The following CTNNA3 variants were observed in gnomAD, a reference collection of about 807,000 sequenced individuals.
CTNNA3 encodes catenin alpha 3.
In CTNNA3, 76 loss-of-function variants were observed where a neutral mutation model predicts 95.7. That is an observed-to-expected ratio of 0.79 (90% confidence interval 0.66 to 0.96). The LOEUF (loss-of-function observed/expected upper bound fraction) is 0.96. Among genes scored for constraint, CTNNA3 ranks in the 40% least tolerant of loss-of-function variants. CTNNA3 has a pLI of 0.00. For missense variants in CTNNA3, 1,191 were observed against 1,089.8 expected (o/e 1.09, Z -1.31); for synonymous variants, 431 against 374.4 (o/e 1.15, Z -1.74).
intron 13 of CTNNA3, among the ~76,000 whole-genome samples, chr10:66,193,437 G>T (rs2086787326): frequency 6.6e-6 from 1 of 152,084 alleles, no homozygotes; most frequent in Middle Eastern, 3.2e-3. Flanking sequence ...ATTATGCATT[G>T]GATTTAGCAA....
At chr10:67,372,238 C>A (rs1843496269) in intron 5 of CTNNA3, among the ~76,000 whole-genome samples, 1 of 152,252 alleles carries the variant, frequency 6.6e-6, no homozygotes, top group South Asian at 2.1e-4. Flanking sequence ...TTAATTAGAT[C>A]CCATTTGTCA....
intron 5 of CTNNA3, among the ~76,000 whole-genome samples, chr10:67,308,899 T>C (rs1840668504): frequency 6.6e-6 from 1 of 152,160 alleles, no homozygotes; most frequent in African/African-American, 2.4e-5. Flanking sequence ...AAAACTTTTT[T>C]TTTCCTATTA....
chr10:66,596,063 C>T (rs187374198), intron 10 of CTNNA3, among the ~76,000 whole-genome samples: 3 of 152,160 alleles, frequency 2.0e-5, no homozygotes, highest in African/African-American at 7.2e-5. Context: ...GTGGGAGCAG[C>T]TTCCTTCCTT....
At chr10:67,116,020 GT>G (rs917230007) in intron 7 of CTNNA3, among the ~76,000 whole-genome samples, 3 of 151,454 alleles carry the variant, frequency 2.0e-5, no homozygotes, top group Non-Finnish European at 2.9e-5. Flanking sequence ...TTCTTTCTTT[GT>G]TTTTTTCTTT....
intron 1 of CTNNA3, among the ~76,000 whole-genome samples, chr10:67,759,254 T>C (rs1841449973): frequency 6.6e-6 from 1 of 152,212 alleles, no homozygotes; most frequent in South Asian, 2.1e-4. Flanking sequence ...TTTGTCCAAT[T>C]TGTACTAAGT....
At chr10:67,713,701 C>T (rs147195705) in intron 1 of CTNNA3, among the ~76,000 whole-genome samples, 4,173 of 152,162 alleles carry the variant, frequency 0.027, 84 homozygotes, top group Middle Eastern at 0.041. Context: ...AACCAAATAC[C>T]GCATGTTCTC....
intron 1 of CTNNA3, among the ~76,000 whole-genome samples, chr10:67,737,632 C>T (rs1300840768): frequency 6.6e-6 from 1 of 152,154 alleles, no homozygotes; most frequent in African/African-American, 2.4e-5. Context: ...GACATTTATG[C>T]AGCCAAAAGA....
intron 5 of CTNNA3, among the ~76,000 whole-genome samples, chr10:67,476,503 T>A (rs4403694): frequency 0.12 from 18,051 of 150,330 alleles, 2,266 homozygotes; most frequent in African/African-American, 0.32. Flanking sequence ...CCACCCTTCC[T>A]GCACAAAGAT....
chr10:67,676,447 G>C (rs879503513), intron 1 of CTNNA3, among the ~76,000 whole-genome samples: 2 of 152,022 alleles, frequency 1.3e-5, no homozygotes, highest in Admixed American at 1.3e-4. Context: ...CAATAGTTTT[G>C]GGTAAAAATG....
In CTNNA3 at chr10:67,580,040, C is replaced by T. The variant is rs578089755; in HGVS notation, c.292+26817G>A. 1.9e-4 allele frequency among the ~76,000 whole-genome samples: 29 copies of T among 152,220 alleles called. No homozygotes were observed. The South Asian group carries it at 3.5e-3, about 18-fold the overall frequency. ...TCTGATGGTAGTTTCTTCTGCTGTG[C>T]GGAAGCTCTTTAGTTTAATTAGATC... On this transcript the variant is annotated intron_variant, in intron 3 of 17. Coordinates refer to ENST00000433211, the MANE Select transcript of CTNNA3 (RefSeq NM_013266.4).
intron 13 of CTNNA3, among the ~76,000 whole-genome samples, chr10:66,270,225 G>GGT (rs1564829222): frequency 9.4e-6 from 1 of 105,988 alleles, no homozygotes; most frequent in African/African-American, 4.6e-5. Context: ...AACATTTTTT[G>GGT]GGGGGGGGGG....
intron 7 of CTNNA3, among the ~76,000 whole-genome samples, chr10:67,144,655 C>T (rs1564921635): frequency 6.6e-6 from 1 of 152,130 alleles, no homozygotes; most frequent in African/African-American, 2.4e-5. Flanking sequence ...TGGGCAGCTT[C>T]CTTATCTCTC....
At chr10:66,110,229 G>T (rs773854922) in intron 13 of CTNNA3, among the ~76,000 whole-genome samples, 2 of 151,892 alleles carry the variant, frequency 1.3e-5, no homozygotes, top group Non-Finnish European at 2.9e-5. Flanking sequence ...GGGTGTGGTG[G>T]CGTGTGCCTG....
At chr10:67,617,911 C>T (rs1843706285) in intron 2 of CTNNA3, among the ~76,000 whole-genome samples, 1 of 151,702 alleles carries the variant, frequency 6.6e-6, no homozygotes, top group African/African-American at 2.4e-5. Context: ...CTGTTTTATA[C>T]AGAACAAAAA....
At chr10:66,315,578 A>ATTGC (rs2092090150) in intron 12 of CTNNA3, among the ~76,000 whole-genome samples, 1 of 151,920 alleles carries the variant, frequency 6.6e-6, no homozygotes, top group Non-Finnish European at 1.5e-5. Flanking sequence ...GGTTTTGTTT[A>ATTGC]TATACACTTG....
chr10:66,081,096 G>A (rs775505894), intron 14 of CTNNA3, among the ~76,000 whole-genome samples: 2 of 152,116 alleles, frequency 1.3e-5, no homozygotes, highest in Non-Finnish European at 1.5e-5. Context: ...GAAATTTAAG[G>A]CTTTCTTGGT....
At chr10:66,704,666 G>A (rs1295587468) in intron 9 of CTNNA3, among the ~76,000 whole-genome samples, 1 of 152,050 alleles carries the variant, frequency 6.6e-6, no homozygotes, top group Admixed American at 6.6e-5. Flanking sequence ...TAAACTGTGT[G>A]CTCAGAGCCT....
At chr10:66,373,166 T>A (rs991564928) in intron 12 of CTNNA3, among the ~76,000 whole-genome samples, 1 of 152,134 alleles carries the variant, frequency 6.6e-6, no homozygotes, top group Non-Finnish European at 1.5e-5. Flanking sequence ...TGAGAAAAGA[T>A]TTTGCATCAC....
chr10:66,852,058 A>G (rs1843517908), intron 7 of CTNNA3, among the ~76,000 whole-genome samples: 1 of 152,138 alleles, frequency 6.6e-6, no homozygotes, highest in African/African-American at 2.4e-5. Context: ...CCAGGAATAC[A>G]GTGTCACGAT....
Sources: gnomAD v4.1 joint callset for allele counts (sites outside exome capture counted in the v4.1 genomes callset) on GRCh38, gnomAD v4.1.1 for gene constraint, MANE v1.5 for transcripts, NCBI Gene and HGNC (gene_info 2026-07-23, HGNC 2026-07-21) for gene names.